SCAMP5: variants seen among roughly 807,000 people sequenced by gnomAD.
SCAMP5 encodes secretory carrier-associated membrane protein 5.
SCAMP5 carries 7 observed loss-of-function variants against 28.3 expected under a neutral mutation model. That is an observed-to-expected ratio of 0.25 (90% CI 0.14 to 0.46). The LOEUF is 0.46. Ranked by LOEUF, SCAMP5 falls within the 20% of genes least tolerant of loss-of-function variation. SCAMP5 has a pLI of 0.99. For missense variants in SCAMP5, 192 were observed against 312.5 expected (o/e 0.61, Z 2.91); for synonymous variants, 117 against 116.4 (o/e 1.00, Z -0.03).
In SCAMP5 at chr15:75,018,905, G is replaced by A. The variant is rs1193525312; in HGVS notation, c.630G>A (p.Gly210=). 6.3e-7 allele frequency: 1 copy of A among 1,582,930 alleles called. No individual in the cohort carries two copies. Reference sequence around the variant, plus strand: ...AGGCAGCCCAGAACGCAGCCATGGGGGCAGCCCAGGGTGCCATGAATCAGC... The same window carrying A: ...AGGCAGCCCAGAACGCAGCCATGGGAGCAGCCCAGGGTGCCATGAATCAGC... ...VQQAAQNAAM[G]AAQGAMNQPQ... Residue 210 remains glycine (G), a synonymous_variant, in exon 7 of 7, where the codon GGG becomes GGA. Coordinates refer to ENST00000425597, the MANE Select transcript of SCAMP5 (RefSeq NM_138967.4). This position sits in a 1 kb window ranked among gnomAD's most constrained non-coding sequence, Gnocchi z 5.6.
At chr15:75,001,676 C>G (rs964019280) in intron 1 of SCAMP5, among the ~76,000 whole-genome samples, 63 of 152,058 alleles carry the variant, frequency 4.1e-4, no homozygotes, top group African/African-American at 1.4e-3. Context: ...GGACACCAGC[C>G]TGGCCAACGT....
In SCAMP5 at chr15:75,018,317, A is replaced by G. The variant is rs1320664276; in HGVS notation, c.396-101A>G. 7 of 793,382 alleles carry G rather than the reference A, an allele frequency of 8.8e-6. No individual in the cohort carries two copies. Among genetic ancestry groups the G allele is most frequent in the Non-Finnish European group, 1.6e-5 (7 of 437,094 alleles). 49.1% of individuals were successfully genotyped at this position (793,382 alleles called of 1,614,324 possible). ...AGATGGTCCCTCTGCATCCAGTGAT[A>G]TGTTTCCTCCCTGTGGCAATGAGAC... On this transcript the variant is annotated intron_variant, in intron 5 of 6. Transcript: ENST00000425597. The surrounding 1 kb of genome is among the most constrained non-coding windows in gnomAD (Gnocchi z 5.6).
Position 74,995,619 on chromosome 15 carries a change from G to GCAGCGCAGCT in SCAMP5, c.-93_-84dup, listed in dbSNP as rs2065644204. 1 of 149,392 alleles carries GCAGCGCAGCT rather than the reference G, an allele frequency of 6.7e-6. No homozygotes were observed. Among genetic ancestry groups the GCAGCGCAGCT allele is most frequent in the Non-Finnish European group, 1.5e-5 (1 of 66,860 alleles). 9.3% of individuals were successfully genotyped at this position (149,392 alleles called of 1,614,324 possible). On this transcript the variant is annotated 5_prime_UTR_variant, in exon 1 of 7. Transcript: ENST00000425597. The stretch of plus-strand genomic sequence containing the variant: ...CGGCTCCGCGCCGCATCGCTCGGGT[G>GCAGCGCAGCT]CAGCGCAGCTCAGCGCAGCGCTGCG...
intron 1 of SCAMP5, among the ~76,000 whole-genome samples, chr15:75,008,793 T>C (rs1320449501): frequency 6.6e-6 from 1 of 152,188 alleles, no homozygotes; most frequent in Non-Finnish European, 1.5e-5. Context: ...TGAGTCACCA[T>C]GGCTGGCATC....
At chr15:75,001,240 A>G (rs1031167559) in intron 1 of SCAMP5, among the ~76,000 whole-genome samples, 2 of 135,584 alleles carry the variant, frequency 1.5e-5, no homozygotes, top group African/African-American at 5.8e-5. Flanking sequence ...GCGTCACTGC[A>G]CTCCAGCCTG....
intron 1 of SCAMP5, among the ~76,000 whole-genome samples, chr15:74,999,208 A>G (rs1003285479): frequency 1.3e-5 from 2 of 152,172 alleles, no homozygotes. Context: ...CTCTGACCTC[A>G]AGGAGACCTC....
chr15:74,997,587 A>C (rs1425354829), intron 1 of SCAMP5, among the ~76,000 whole-genome samples: 1 of 152,162 alleles, frequency 6.6e-6, no homozygotes, highest in Non-Finnish European at 1.5e-5. Flanking sequence ...GGGATGTGAG[A>C]AGGTAGCAGG....
At chr15:75,000,681 G>T (rs2065696601) in intron 1 of SCAMP5, among the ~76,000 whole-genome samples, 1 of 105,352 alleles carries the variant, frequency 9.5e-6, no homozygotes, top group South Asian at 4.0e-4. Flanking sequence ...ATCGCACCCA[G>T]CCTTTTTTTT....
intron 1 of SCAMP5, among the ~76,000 whole-genome samples, chr15:75,001,269 CAAAAAAAAAA>C (rs34325708): frequency 3.4e-5 from 2 of 58,186 alleles, no homozygotes; most frequent in African/African-American, 7.0e-5. Context: ...AGCGAGACTC[CAAAAAAAAAA>C]AAAAAAAAAA....
rs2065886203 is a variant in SCAMP5, at chr15:75,019,230, G to A, written c.*247G>A. Reference sequence around the variant, plus strand: ...AGCTGTCCCGTGCGGTAGTAGCTGTGTCTGTGTCCCCTCGTGAAATAGTGT... The same window carrying A: ...AGCTGTCCCGTGCGGTAGTAGCTGTATCTGTGTCCCCTCGTGAAATAGTGT... On this transcript the variant is annotated 3_prime_UTR_variant, in exon 7 of 7. Coordinates refer to ENST00000425597, the MANE Select transcript of SCAMP5 (RefSeq NM_138967.4). 6.5e-6 allele frequency: 2 copies of A among 305,690 alleles called. No individual in the cohort carries two copies. Among genetic ancestry groups the A allele is most frequent in the African/African-American group, 2.2e-5 (1 of 46,080 alleles). 18.9% of individuals were successfully genotyped at this position (305,690 alleles called of 1,614,324 possible).
rs1021127503 is a variant in SCAMP5, at chr15:75,009,010, C to CT, written c.-48-2774dup. Among the ~76,000 whole-genome samples, 4 of 151,868 alleles carry CT rather than the reference C, an allele frequency of 2.6e-5. No homozygotes were observed. In the East Asian group the frequency reaches 7.7e-4, roughly 29 times the overall value. ...AATATATTCTTATTATCTTCTCTTC[C>CT]TTTTTTTTAATATGAAAAGTATAAC... On this transcript the variant is annotated intron_variant, in intron 1 of 6. Coordinates refer to ENST00000425597, the MANE Select transcript of SCAMP5 (RefSeq NM_138967.4).
chr15:75,005,195 A>G (rs1433534431), intron 1 of SCAMP5, among the ~76,000 whole-genome samples: 1 of 151,016 alleles, frequency 6.6e-6, no homozygotes, highest in Non-Finnish European at 1.5e-5. Context: ...AAAATCCAAG[A>G]TCCGGGCCTG....
intron 1 of SCAMP5, among the ~76,000 whole-genome samples, chr15:74,998,974 G>C (rs989438423): frequency 2.0e-5 from 3 of 152,182 alleles, no homozygotes; most frequent in South Asian, 2.1e-4. Context: ...CTATGTTCTA[G>C]TTGTTTTCTC....
Position 75,018,033 on chromosome 15 carries a change from T to C in SCAMP5, c.395+62T>C, listed in dbSNP as rs1483362102. ...TGGCGTTGTGGGTGTATCTTTTGCT[T>C]ACCTTTGTGTGCTAAGCTGTCTAGC... On this transcript the variant is annotated intron_variant, in intron 5 of 6. Coordinates refer to ENST00000425597, the MANE Select transcript of SCAMP5 (RefSeq NM_138967.4). The surrounding 1 kb of genome is among the most constrained non-coding windows in gnomAD (Gnocchi z 5.6). The C allele has an allele frequency of 3.9e-6, 4 of 1,034,056 alleles. No individual in the cohort carries two copies. The East Asian group carries it at 9.4e-5, about 24-fold the overall frequency. 64.1% of individuals were successfully genotyped at this position (1,034,056 alleles called of 1,614,324 possible). A position where few individuals can be genotyped will look rare whatever the true frequency, so the allele number is the denominator to read the frequency against.
At chr15:75,008,595 G>A (rs1195061815) in intron 1 of SCAMP5, among the ~76,000 whole-genome samples, 1 of 151,780 alleles carries the variant, frequency 6.6e-6, no homozygotes, top group African/African-American at 2.4e-5. Context: ...CGCCTCCTGG[G>A]TTCAAGCGAT....
chr15:74,999,673 G>A (rs769679444), intron 1 of SCAMP5, among the ~76,000 whole-genome samples: 6 of 152,036 alleles, frequency 3.9e-5, no homozygotes, highest in Non-Finnish European at 7.4e-5. Context: ...ATGGTGGTGC[G>A]CACCTGTAGT....
chr15:75,015,449 CAGA>C lies in SCAMP5; in HGVS notation c.137-1143_137-1141del, dbSNP rs372478139. ...CTAGTTCAGCTAGATGAGGTGGGGA[CAGA>C]GGGGGGGGGGCCTGGGTCCTGTTCT... On this transcript the variant is annotated intron_variant, in intron 3 of 6. Coordinates refer to ENST00000425597, the MANE Select transcript of SCAMP5 (RefSeq NM_138967.4). Among the ~76,000 whole-genome samples, 287 of 147,666 alleles carry C rather than the reference CAGA, an allele frequency of 1.9e-3. 5 individuals carry two copies. Among genetic ancestry groups the C allele is most frequent in the African/African-American group, 6.9e-3 (265 of 38,654 alleles).
At chr15:75,004,438 G>T (rs1031443152) in intron 1 of SCAMP5, among the ~76,000 whole-genome samples, 2 of 152,150 alleles carry the variant, frequency 1.3e-5, no homozygotes, top group Admixed American at 6.5e-5. Context: ...TAAGAACAAA[G>T]GTGTTCTACA....
chr15:75,001,573 C>G (rs2065708655), intron 1 of SCAMP5, among the ~76,000 whole-genome samples: 1 of 151,438 alleles, frequency 6.6e-6, no homozygotes. Flanking sequence ...TCCAGGAGTT[C>G]AAGACAAACC....
Sources: allele counts gnomAD v4.1 joint callset (sites outside exome capture counted in the v4.1 genomes callset), GRCh38; gene constraint gnomAD v4.1.1; non-coding constraint Gnocchi (gnomAD v3.1); transcripts MANE v1.5; gene names NCBI Gene and HGNC (gene_info 2026-07-23, HGNC 2026-07-21).